Variants in PLEK observed in about 807,000 individuals in gnomAD.
The protein encoded by PLEK is pleckstrin, also known as platelet 47 kDa protein.
In PLEK, 25 loss-of-function variants were observed where a neutral mutation model predicts 43.9. The ratio of observed to expected loss-of-function variants is 0.57; its 90% CI spans 0.41 to 0.79. PLEK has a LOEUF of 0.79. Among genes scored for constraint, PLEK ranks in the 30% least tolerant of loss-of-function variants. The pLI, the probability that PLEK is intolerant of heterozygous loss-of-function variation, is 0.00. For missense variants in PLEK, 396 were observed against 413.3 expected (o/e 0.96, Z 0.36); for synonymous variants, 152 against 144.4 (o/e 1.05, Z -0.38).
chr2:68,377,830 C>A (rs542842164), intron 1 of PLEK, among the ~76,000 whole-genome samples: 2 of 152,210 alleles, frequency 1.3e-5, no homozygotes, highest in South Asian at 4.2e-4. Context: ...TAGGGTATTG[C>A]TCAAGAAATT....
At chr2:68,378,008 A>G (rs989242493) in intron 1 of PLEK, among the ~76,000 whole-genome samples, 1 of 152,200 alleles carries the variant, frequency 6.6e-6, no homozygotes, top group Non-Finnish European at 1.5e-5. Context: ...GCAATAGTTG[A>G]CAGAGTGATT....
chr2:68,382,478 C>G, intron 3 of PLEK, 64 bp from the exon 4 acceptor site: 2 of 912,016 alleles, frequency 2.2e-6, no homozygotes, highest in Non-Finnish European at 3.5e-6. Flanking sequence ...CTGAAATGTT[C>G]CCCACTCATC....
At chr2:68,384,717 A>G (rs1221064009) in intron 4 of PLEK, among the ~76,000 whole-genome samples, 1 of 152,158 alleles carries the variant, frequency 6.6e-6, no homozygotes, top group African/African-American at 2.4e-5. Flanking sequence ...CTTGTCTTTC[A>G]AGCTTCAGCA....
rs200018554 is a variant in PLEK at position 68,395,758 on chromosome 2, C to T, written c.995C>T (p.Pro332Leu). The change falls in exon 9 of 9, where the codon CCC becomes CTC. Residue 332 changes from proline (P) to leucine (L), a missense_variant. Coordinates refer to ENST00000234313, the MANE Select transcript of PLEK (RefSeq NM_002664.3). ...CACTATTTCTTGCAAGCAGCCACCC[C>T]CAAGGAGCGCACAGAGTGGATCAGA... ...EVHYFLQAAT[P>L]KERTEWIRAI... 1.9e-6 allele frequency: 3 copies of T among 1,613,722 alleles called. No homozygotes were observed. Among genetic ancestry groups the T allele is most frequent in the Admixed American group, 1.7e-5 (1 of 59,972 alleles).
chr2:68,377,913 C>A (rs746578987), intron 1 of PLEK, among the ~76,000 whole-genome samples: 1 of 152,226 alleles, frequency 6.6e-6, no homozygotes, highest in Admixed American at 6.5e-5. Context: ...TAATTACCAC[C>A]GTTCATTCCA....
At chr2:68,389,349 A>G (rs1673815420) in intron 6 of PLEK, among the ~76,000 whole-genome samples, 1 of 152,232 alleles carries the variant, frequency 6.6e-6, no homozygotes, top group South Asian at 2.1e-4. Context: ...CTGCCTTAAA[A>G]GTGCTGCTCA....
intron 3 of PLEK, among the ~76,000 whole-genome samples, chr2:68,381,864 G>A (rs889940752): frequency 6.6e-6 from 1 of 152,148 alleles, no homozygotes; most frequent in Non-Finnish European, 1.5e-5. Context: ...GGGGGCCATC[G>A]AGTGACCACA....
At chr2:68,365,500 C>T in intron 1 of PLEK, 107 bp downstream of exon 1, 1 of 937,062 alleles carries the variant, frequency 1.1e-6, no homozygotes, top group Non-Finnish European at 1.7e-6. Flanking sequence ...CCTGTTCAAC[C>T]AGTTGGGTTG....
intron 1 of PLEK, among the ~76,000 whole-genome samples, chr2:68,372,999 T>TC (rs1365735644): frequency 6.6e-6 from 1 of 152,174 alleles, no homozygotes; most frequent in African/African-American, 2.4e-5. Context: ...CCTCCACTTT[T>TC]TTTTATCAAT....
chr2:68,391,915 T>C (rs1180613236), intron 6 of PLEK, among the ~76,000 whole-genome samples: 1 of 152,196 alleles, frequency 6.6e-6, no homozygotes, highest in Non-Finnish European at 1.5e-5. Context: ...GTTTAAAATC[T>C]GCTACACACT....
chr2:68,374,859 G>T (rs1381159815), intron 1 of PLEK, among the ~76,000 whole-genome samples: 1 of 152,086 alleles, frequency 6.6e-6, no homozygotes, highest in African/African-American at 2.4e-5. Context: ...TTGCTAGGTT[G>T]TTTTCCATAG....
Position 68,367,929 on chromosome 2 carries a change from C to T in PLEK, c.42+2536C>T, listed in dbSNP as rs545778171. Among the ~76,000 whole-genome samples the T allele has an allele frequency of 5.3e-5, 8 of 152,292 alleles. No homozygotes were observed. In the South Asian group the frequency reaches 1.7e-3, roughly 32 times the overall value. On this transcript the variant is annotated intron_variant, in intron 1 of 8. Coordinates refer to ENST00000234313, the MANE Select transcript of PLEK (RefSeq NM_002664.3). ...GGGTAGTAACAGAGAACATCTTTGT[C>T]CTGTGTCTTGTTTTATGAAATAATT...
At chr2:68,371,549 A>G (rs1673405077) in intron 1 of PLEK, among the ~76,000 whole-genome samples, 1 of 152,180 alleles carries the variant, frequency 6.6e-6, no homozygotes, top group Non-Finnish European at 1.5e-5. Flanking sequence ...ATTTACATGG[A>G]TTGTTTTCAT....
chr2:68,391,050 T>G (rs1673849872), intron 6 of PLEK, among the ~76,000 whole-genome samples: 1 of 152,236 alleles, frequency 6.6e-6, no homozygotes, highest in African/African-American at 2.4e-5. Context: ...TCATAGGCAA[T>G]GAACACTTGG....
rs1297453115 is a variant in PLEK at position 68,380,444 on chromosome 2, C to T, written c.159C>T (p.Ser53=). The T allele has an allele frequency of 6.2e-7, 1 of 1,613,810 alleles. No individual in the cohort carries two copies. The highest frequency in any genetic ancestry group is 1.3e-5 in the African/African-American group (1 of 74,924). Residue 53 remains serine, a synonymous_variant, in exon 2 of 9, where the codon AGC becomes AGT. Transcript: ENST00000234313. ...AAGGAATGATCCCGCTGAAAGGGAG[C>T]ACTCTGACTAGCCCTTGTCAAGACT... is the stretch of plus-strand genomic sequence containing the variant. ...SPKGMIPLKG[S]TLTSPCQDFG...
Position 68,380,746 on chromosome 2 carries a change from C to T in PLEK, c.222C>T (p.Thr74=). The change falls in exon 3 of 9, where the codon ACC becomes ACT. Residue 74 remains threonine, a synonymous_variant. Coordinates refer to ENST00000234313, the MANE Select transcript of PLEK (RefSeq NM_002664.3). ...AGTTTGTGTTTAAGATCACTACGACCAAACAGCAGGACCACTTCTTCCAGG... is the reference window on the plus strand; with the variant it reads ...AGTTTGTGTTTAAGATCACTACGACTAAACAGCAGGACCACTTCTTCCAGG... ...KRMFVFKITT[T]KQQDHFFQAA... The T allele has an allele frequency of 6.2e-7, 1 of 1,613,718 alleles. No homozygotes were observed. Among genetic ancestry groups the T allele is most frequent in the Non-Finnish European group, 8.5e-7 (1 of 1,179,808 alleles).
chr2:68,396,711 GA>G lies in PLEK; in HGVS notation c.*905del, dbSNP rs3832120. Reference sequence around the variant, plus strand: ...GATTCTGTTTCATTTGAGGTTTACAGAAAAAAAAAAGTGGCCAGATGTGTTC... The same window carrying G: ...GATTCTGTTTCATTTGAGGTTTACAGAAAAAAAAAGTGGCCAGATGTGTTC... On this transcript the variant is annotated 3_prime_UTR_variant, in exon 9 of 9. Transcript: ENST00000234313. 67,848 of 150,460 alleles carry G rather than the reference GA, an allele frequency of 0.45. 15,642 individuals carry two copies. The highest frequency in any genetic ancestry group is 0.51 in the African/African-American group (20,864 of 41,048). The allele number at this position is 150,460 out of a possible 1,614,324, so 9.3% of individuals were successfully genotyped here. A position where few individuals can be genotyped will look rare whatever the true frequency, so the allele number is the denominator to read the frequency against.
intron 5 of PLEK, among the ~76,000 whole-genome samples, chr2:68,386,923 G>T (rs1286956163): frequency 6.6e-6 from 1 of 152,006 alleles, no homozygotes; most frequent in African/African-American, 2.4e-5. Flanking sequence ...AAGTGAATTT[G>T]TTATTATAAA....
At chr2:68,392,062 A>G (rs1673870059) in intron 6 of PLEK, among the ~76,000 whole-genome samples, 1 of 152,214 alleles carries the variant, frequency 6.6e-6, no homozygotes, top group Non-Finnish European at 1.5e-5. Flanking sequence ...AGACAATGTC[A>G]GTGTTTAATT....
Sources: gnomAD v4.1 joint callset for allele counts (sites outside exome capture counted in the v4.1 genomes callset) on GRCh38, gnomAD v4.1.1 for gene constraint, MANE v1.5 for transcripts, NCBI Gene and HGNC (gene_info 2026-07-23, HGNC 2026-07-21) for gene names.